PTN: variants seen among roughly 807,000 people sequenced by gnomAD.
PTN encodes heparin affin regulatory protein.
Under a neutral mutation model 24.1 loss-of-function variants are expected in PTN, and 18 were observed. The ratio of observed to expected loss-of-function variants is 0.75; its 90% CI spans 0.52 to 1.11. PTN has a LOEUF of 1.11. Ranked by LOEUF, PTN falls within the 50% of genes least tolerant of loss-of-function variation. PTN has a pLI of 0.00. For missense variants in PTN, 163 were observed against 198.8 expected (o/e 0.82, Z 1.08); for synonymous variants, 78 against 68.6 (o/e 1.14, Z -0.67).
At chr7:137,265,666 T>G (rs1191830769) in intron 1 of PTN, among the ~76,000 whole-genome samples, 1 of 152,210 alleles carries the variant, frequency 6.6e-6, no homozygotes, top group African/African-American at 2.4e-5. Flanking sequence ...ACAGCTACCA[T>G]GCAGCCCACG....
Position 137,252,933 on chromosome 7 carries a change from G to C in PTN, c.289+531C>G, listed in dbSNP as rs533437195. Among the ~76,000 whole-genome samples the C allele has an allele frequency of 2.4e-3, 370 of 152,312 alleles. 5 individuals carry two copies. Among genetic ancestry groups the C allele is most frequent in the African/African-American group, 8.5e-3 (353 of 41,566 alleles). On this transcript the variant is annotated intron_variant, in intron 3 of 4. Coordinates refer to ENST00000348225, the MANE Select transcript of PTN (RefSeq NM_002825.7). ...TCAGTAAGTGAATCTGTGAAACTGT[G>C]TGGAGGTTGGGGAGGGATCAAATGG...
At chr7:137,299,422 G>A (rs974110395) in intron 1 of PTN, among the ~76,000 whole-genome samples, 2 of 151,916 alleles carry the variant, frequency 1.3e-5, no homozygotes, top group Non-Finnish European at 2.9e-5. Context: ...GTTTTAGAAA[G>A]ATCCAGTCAT....
intron 4 of PTN, among the ~76,000 whole-genome samples, chr7:137,238,491 A>C (rs768613186): frequency 4.6e-5 from 7 of 152,236 alleles, no homozygotes; most frequent in Non-Finnish European, 8.8e-5. Context: ...GGGCTCAATC[A>C]GTCATAAATA....
chr7:137,310,938 T>C (rs746189739), intron 1 of PTN, among the ~76,000 whole-genome samples: 19 of 152,216 alleles, frequency 1.2e-4, no homozygotes, highest in Admixed American at 2.0e-4. Context: ...TCTGCCTTCA[T>C]AGAACTGAAG....
intron 4 of PTN, among the ~76,000 whole-genome samples, chr7:137,238,710 A>C (rs1308666596): frequency 6.6e-6 from 1 of 152,186 alleles, no homozygotes; most frequent in African/African-American, 2.4e-5. Flanking sequence ...TGCAAGTTGC[A>C]ACCTTAGTGT....
intron 4 of PTN, among the ~76,000 whole-genome samples, chr7:137,248,059 T>G (rs902491516): frequency 6.6e-6 from 1 of 152,172 alleles, no homozygotes; most frequent in Non-Finnish European, 1.5e-5. Flanking sequence ...TAAGTTACCA[T>G]ATGGAAAACA....
At chr7:137,255,908 G>A (rs10237801) in intron 1 of PTN, among the ~76,000 whole-genome samples, 1,840 of 152,290 alleles carry the variant, frequency 0.012, 34 homozygotes, top group African/African-American at 0.042. Context: ...CATCTGCTGT[G>A]TTAGTGGTGT....
intron 1 of PTN, among the ~76,000 whole-genome samples, chr7:137,308,202 C>G (rs1425548552): frequency 6.6e-6 from 1 of 152,080 alleles, no homozygotes; most frequent in Non-Finnish European, 1.5e-5. Flanking sequence ...ATTTTATGCC[C>G]TGAAAAGTCA....
chr7:137,327,675 C>T (rs1015042431), intron 1 of PTN, among the ~76,000 whole-genome samples: 2 of 152,116 alleles, frequency 1.3e-5, no homozygotes, highest in African/African-American at 4.8e-5. Flanking sequence ...TGCAGCCACC[C>T]TTTTCCACTC....
At chr7:137,328,774 A>G (rs1252783883) in intron 1 of PTN, among the ~76,000 whole-genome samples, 2 of 152,174 alleles carry the variant, frequency 1.3e-5, no homozygotes, top group Non-Finnish European at 2.9e-5. Context: ...AACAATGGGA[A>G]TTAAACAATG....
chr7:137,236,115 T>C (rs966448759), intron 4 of PTN: 3 of 699,662 alleles, frequency 4.3e-6, no homozygotes, highest in Admixed American at 2.0e-5. Context: ...AAGTCCCCAA[T>C]ATGTCAGTTA....
At chr7:137,282,898 C>T (rs1289952204) in intron 1 of PTN, among the ~76,000 whole-genome samples, 2 of 152,092 alleles carry the variant, frequency 1.3e-5, no homozygotes, top group Non-Finnish European at 2.9e-5. Flanking sequence ...ATGTATCTCC[C>T]ACAAAAAATA....
chr7:137,335,784 T>C (rs1164104016), intron 1 of PTN, among the ~76,000 whole-genome samples: 1 of 152,212 alleles, frequency 6.6e-6, no homozygotes, highest in East Asian at 1.9e-4. Context: ...GTTAGCCAAT[T>C]ACTAAGGCTT....
At chr7:137,329,088 T>G (rs1810308328) in intron 1 of PTN, among the ~76,000 whole-genome samples, 1 of 152,150 alleles carries the variant, frequency 6.6e-6, no homozygotes, top group East Asian at 1.9e-4. Context: ...ACAAGTTACT[T>G]CTGAGATACA....
At chr7:137,291,058 T>C (rs1485480766) in intron 1 of PTN, among the ~76,000 whole-genome samples, 1 of 152,184 alleles carries the variant, frequency 6.6e-6, no homozygotes, top group Non-Finnish European at 1.5e-5. Context: ...GATCATTAAA[T>C]AAATCTATAA....
At chr7:137,257,422 G>A (rs955398518) in intron 1 of PTN, among the ~76,000 whole-genome samples, 2 of 152,152 alleles carry the variant, frequency 1.3e-5, no homozygotes, top group Admixed American at 1.3e-4. Context: ...GGGTGTGAAT[G>A]GTAAAAGAAG....
intron 1 of PTN, among the ~76,000 whole-genome samples, chr7:137,330,554 T>C (rs1370492164): frequency 6.6e-6 from 1 of 152,182 alleles, no homozygotes; most frequent in African/African-American, 2.4e-5. Context: ...CTCCTGCTTT[T>C]ATGATCCACC....
chr7:137,337,075 C>T (rs965574545), intron 1 of PTN, among the ~76,000 whole-genome samples: 5 of 152,166 alleles, frequency 3.3e-5, no homozygotes, highest in African/African-American at 7.2e-5. Context: ...CATGCCCTGT[C>T]GTATGTCCAG....
chr7:137,318,139 A>T (rs929997983), intron 1 of PTN, among the ~76,000 whole-genome samples: 17 of 152,170 alleles, frequency 1.1e-4, no homozygotes, highest in African/African-American at 1.9e-4. Flanking sequence ...ATGGCGGCAC[A>T]TGCCTGTAAT....
Sources: gnomAD v4.1 joint callset for allele counts (sites outside exome capture counted in the v4.1 genomes callset) on GRCh38, gnomAD v4.1.1 for gene constraint, MANE v1.5 for transcripts, NCBI Gene and HGNC (gene_info 2026-07-23, HGNC 2026-07-21) for gene names.